Variants in SLA observed in about 807,000 individuals in gnomAD.
SLA encodes src-like-adapter.
A neutral mutation model predicts 30.3 loss-of-function variants in SLA; 16 were observed. The ratio of observed to expected loss-of-function variants is 0.53; its 90% confidence interval spans 0.36 to 0.80. The LOEUF is 0.80. SLA is among the 30% of genes least tolerant of loss of function. The probability of loss-of-function intolerance (pLI) is 0.01; values close to 1 mark genes in which losing one functional copy is unlikely to be tolerated. For synonymous variants in SLA, 143 were observed against 137.8 expected, an observed-to-expected ratio of 1.04 and a Z score of -0.26; for missense variants, 310 against 345.2, an observed-to-expected ratio of 0.90 and a Z score of 0.81.
chr8:133,070,023 A>AAAAG (rs1162674343), intron 2 of SLA, among the ~76,000 whole-genome samples: 1 of 92,704 alleles, frequency 1.1e-5, no homozygotes, highest in Non-Finnish European at 2.7e-5. Flanking sequence ...AAAAAAAAAA[A>AAAAG]AAAGAAAGAA....
At chr8:133,086,105 G>A (rs1020262397) in intron 1 of SLA, among the ~76,000 whole-genome samples, 1 of 152,168 alleles carries the variant, frequency 6.6e-6, no homozygotes, top group Non-Finnish European at 1.5e-5. Context: ...AGACACAGAA[G>A]GCTACATATT....
chr8:133,085,467 C>T (rs189270808), intron 1 of SLA, among the ~76,000 whole-genome samples: 5 of 152,254 alleles, frequency 3.3e-5, no homozygotes, highest in African/African-American at 9.6e-5. Flanking sequence ...TAATAAGGGA[C>T]TTGTACCAAG....
At chr8:133,057,485 A>G (rs536493618) in intron 3 of SLA, among the ~76,000 whole-genome samples, 1 of 152,274 alleles carries the variant, frequency 6.6e-6, no homozygotes, top group East Asian at 1.9e-4. Flanking sequence ...GGTAACCCCA[A>G]ACAGAGTTTT....
intron 2 of SLA, among the ~76,000 whole-genome samples, chr8:133,069,537 A>T (rs1421131061): frequency 6.6e-6 from 1 of 152,318 alleles, no homozygotes; most frequent in East Asian, 1.9e-4. Flanking sequence ...CAGGAAAGCC[A>T]ATTGCCTTAG....
At chr8:133,054,682 C>G (rs1389034422) in intron 3 of SLA, among the ~76,000 whole-genome samples, 1 of 152,196 alleles carries the variant, frequency 6.6e-6, no homozygotes, top group Admixed American at 6.5e-5. Context: ...TAAAAATGAA[C>G]TCCACTTGGT....
chr8:133,044,844 T>G (rs1587858949), intron 7 of SLA, 140 bp downstream of exon 7: 2 of 795,912 alleles, frequency 2.5e-6, no homozygotes, highest in East Asian at 5.1e-5. Flanking sequence ...ATTTACAGTC[T>G]GAATTAACGA....
intron 2 of SLA, among the ~76,000 whole-genome samples, chr8:133,060,612 T>C (rs1329830844): frequency 1.3e-5 from 2 of 152,216 alleles, no homozygotes; most frequent in Non-Finnish European, 2.9e-5. Context: ...TGTGTGTCTG[T>C]ACAACCAAAG....
At chr8:133,065,077 T>TA (rs370310858) in intron 2 of SLA, among the ~76,000 whole-genome samples, 109 of 152,304 alleles carry the variant, frequency 7.2e-4, no homozygotes, top group African/African-American at 2.6e-3. Flanking sequence ...AGCCCATTCA[T>TA]ATAACCTTCT....
In SLA at chr8:133,049,976, C is replaced by T; in HGVS notation, c.174G>A (p.Trp58Ter). 2 of 1,612,268 alleles carry T rather than the reference C, an allele frequency of 1.2e-6. No homozygotes were observed. The highest frequency in any genetic ancestry group is 1.7e-6 in the Non-Finnish European group (2 of 1,178,278). The change falls in exon 5 of 9, where the codon TGG becomes TGA. Residue 58 changes from tryptophan to a stop codon, truncating the protein, a stop_gained. Coordinates refer to ENST00000338087, the MANE Select transcript of SLA (RefSeq NM_001045556.3). LOFTEE classifies it high-confidence loss of function. ...CAGTGCTAAGAGAAATAGCTTTCCA[C>T]CAGCCCCCTTCACTGTAAGAACAAG... ...KLRVISDEGG[W>*]WKAISLSTGR...
chr8:133,059,072 C>T (rs751037813), intron 3 of SLA: 10 of 456,352 alleles, frequency 2.2e-5, no homozygotes, highest in Admixed American at 7.0e-5. Context: ...CTGGAGGCAG[C>T]GCAGGAACCT....
chr8:133,073,746 T>G (rs1844436630), intron 2 of SLA, among the ~76,000 whole-genome samples: 1 of 152,104 alleles, frequency 6.6e-6, no homozygotes, highest in Admixed American at 6.6e-5. Flanking sequence ...AACACAGGCC[T>G]CAGCTCTGCA....
chr8:133,059,402 G>T (rs1052390679), intron 3 of SLA, among the ~76,000 whole-genome samples: 7 of 152,214 alleles, frequency 4.6e-5, no homozygotes, highest in African/African-American at 1.7e-4. Context: ...TTGATGTTCA[G>T]CCTTTTCCCT....
At chr8:133,052,937 T>C (rs1840688654) in intron 3 of SLA, among the ~76,000 whole-genome samples, 1 of 152,188 alleles carries the variant, frequency 6.6e-6, no homozygotes, top group Non-Finnish European at 1.5e-5. Flanking sequence ...GAAAAACACC[T>C]TCAAGATGGA....
At chr8:133,051,939 A>G (rs1243997927) in intron 3 of SLA, among the ~76,000 whole-genome samples, 2 of 152,230 alleles carry the variant, frequency 1.3e-5, no homozygotes, top group Non-Finnish European at 2.9e-5. Flanking sequence ...TGTCGTAAGC[A>G]GCATAGGTGA....
intron 2 of SLA, among the ~76,000 whole-genome samples, chr8:133,065,666 G>T (rs1440352233): frequency 6.6e-6 from 1 of 152,130 alleles, no homozygotes; most frequent in African/African-American, 2.4e-5. Context: ...GGAGGCTGAG[G>T]CAGGAGAATC....
intron 2 of SLA, among the ~76,000 whole-genome samples, chr8:133,063,336 C>T (rs1842651224): frequency 6.6e-6 from 1 of 151,688 alleles, no homozygotes; most frequent in Non-Finnish European, 1.5e-5. Context: ...GCTCCCACCA[C>T]AATGTCTGAT....
At position 133,060,769 on chromosome 8, in the gene SLA, AC is replaced by A. The variant is rs2131332487; in HGVS notation, c.-40-570del. Reference sequence around the variant, plus strand: ...CTGAAGCCCTTTCACATCAACTGTTACTTTTGATCATTGTAAAGTCCTTGCA... The same window carrying A: ...CTGAAGCCCTTTCACATCAACTGTTATTTTGATCATTGTAAAGTCCTTGCA... On this transcript the variant is annotated intron_variant, in intron 2 of 8. Transcript: ENST00000338087. Among the ~76,000 whole-genome samples the A allele has an allele frequency of 2.0e-5, 3 of 152,288 alleles. No individual in the cohort carries two copies. The East Asian group carries it at 5.8e-4, about 29-fold the overall frequency.
chr8:133,076,563 G>T (rs988194159), intron 1 of SLA: 3 of 151,734 alleles, frequency 2.0e-5, no homozygotes, highest in Admixed American at 1.3e-4. Context: ...CAGAAGTGGA[G>T]ATTTTCCCCC....
intron 3 of SLA, among the ~76,000 whole-genome samples, chr8:133,051,754 G>A (rs544825603): frequency 6.2e-4 from 95 of 152,324 alleles, no homozygotes; most frequent in African/African-American, 2.3e-3. Flanking sequence ...TGCATTAGAT[G>A]CAGGGTAATA....
Sources: gnomAD v4.1 joint callset for allele counts (sites outside exome capture counted in the v4.1 genomes callset) on GRCh38, gnomAD v4.1.1 for gene constraint, MANE v1.5 for transcripts, NCBI Gene and HGNC (gene_info 2026-07-23, HGNC 2026-07-21) for gene names.